ZFAT: variants seen among roughly 807,000 people sequenced by gnomAD.
ZFAT encodes the protein zinc finger protein ZFAT.
A neutral mutation model predicts 117.7 loss-of-function variants in ZFAT; 64 were observed. The ratio of observed to expected loss-of-function variants is 0.54; its 90% CI spans 0.44 to 0.67. The LOEUF (loss-of-function observed/expected upper bound fraction) is 0.67, where lower values mean the gene tolerates loss of function less well. Among genes scored for constraint, ZFAT ranks in the 30% least tolerant of loss-of-function variants. The probability of loss-of-function intolerance (pLI) is 0.00; values close to 1 mark genes in which losing one functional copy is unlikely to be tolerated. For synonymous variants in ZFAT, 679 were observed against 615.0 expected (o/e 1.10, Z -1.54); for missense variants, 1,433 against 1,584.5 (o/e 0.90, Z 1.62).
chr8:134,792,285 A>G, the ZFAT span: 6 of 152,248 alleles, frequency 3.9e-5, no homozygotes, highest in Non-Finnish European at 7.3e-5. Context: ...ACAATCCGTG[A>G]ACACCTAGAT....
chr8:134,685,645 C>A (rs1438477563), intron 1 of ZFAT, among the ~76,000 whole-genome samples: 1 of 152,178 alleles, frequency 6.6e-6, no homozygotes, highest in Non-Finnish European at 1.5e-5. Context: ...AACCAGGGAA[C>A]AGCAGACCAC....
chr8:134,524,235 G>A (rs1802206982), intron 12 of ZFAT, among the ~76,000 whole-genome samples: 1 of 152,114 alleles, frequency 6.6e-6, no homozygotes, highest in Non-Finnish European at 1.5e-5. Flanking sequence ...CTTGGTGCCG[G>A]TCTATCTTCC....
chr8:134,571,247 G>A (rs1008901191), intron 10 of ZFAT, among the ~76,000 whole-genome samples: 1 of 152,246 alleles, frequency 6.6e-6, no homozygotes, highest in African/African-American at 2.4e-5. Flanking sequence ...AGGGAGTGTG[G>A]AAGAGGTGTG....
intron 5 of ZFAT, among the ~76,000 whole-genome samples, chr8:134,604,682 A>G (rs561858319): frequency 1.3e-5 from 2 of 152,228 alleles, no homozygotes; most frequent in African/African-American, 2.4e-5. Context: ...TAGTTATAAA[A>G]CTATCCACAA....
chr8:134,691,838 G>A (rs1383785541), intron 1 of ZFAT, among the ~76,000 whole-genome samples: 2 of 152,178 alleles, frequency 1.3e-5, no homozygotes, highest in Non-Finnish European at 2.9e-5. Context: ...AAAGATCCAT[G>A]TTAAAGCTAT....
chr8:134,653,270 T>TTAAAAAAAAAAAAA (rs1554615159), intron 2 of ZFAT, among the ~76,000 whole-genome samples: 1 of 91,888 alleles, frequency 1.1e-5, no homozygotes, highest in Non-Finnish European at 2.1e-5. Flanking sequence ...ATGTCTTTTT[T>TTAAAAAAAAAAAAA]AAAAAAAAAA....
intron 10 of ZFAT, among the ~76,000 whole-genome samples, chr8:134,582,403 C>A (rs556359482): frequency 6.6e-6 from 1 of 152,344 alleles, no homozygotes; most frequent in African/African-American, 2.4e-5. Flanking sequence ...CTCTTCATTA[C>A]TGAAGGACTG....
At chr8:134,481,653 C>T (rs1817314122) in intron 15 of ZFAT, among the ~76,000 whole-genome samples, 1 of 152,156 alleles carries the variant, frequency 6.6e-6, no homozygotes, top group East Asian at 1.9e-4. Flanking sequence ...GCCTCCTGTC[C>T]CCTGGCAGCA....
the ZFAT span, chr8:134,766,396 G>A: frequency 9.2e-5 from 14 of 152,284 alleles, no homozygotes; most frequent in East Asian, 2.7e-3. Context: ...GTTTACAAAA[G>A]TAGAGAAAAC....
chr8:134,802,303 T>C, the ZFAT span, among the ~76,000 whole-genome samples: 2 of 152,148 alleles, frequency 1.3e-5, no homozygotes, highest in Admixed American at 1.3e-4. Context: ...ACAAAAATAT[T>C]ACCTGAGCAC....
At chr8:134,581,312 G>A (rs1198655143) in intron 10 of ZFAT, among the ~76,000 whole-genome samples, 6 of 152,058 alleles carry the variant, frequency 3.9e-5, no homozygotes, top group Non-Finnish European at 4.4e-5. Flanking sequence ...AAATAATGAA[G>A]TACAGCAGCC....
intron 7 of ZFAT, chr8:134,598,089 T>C (rs1478352159): frequency 2.0e-5 from 3 of 152,230 alleles, no homozygotes; most frequent in Non-Finnish European, 4.4e-5. Context: ...CCAAGAACCA[T>C]GTGGTTGCTG....
intron 8 of ZFAT, among the ~76,000 whole-genome samples, chr8:134,589,007 G>A (rs1353504750): frequency 1.3e-5 from 2 of 152,204 alleles, no homozygotes; most frequent in Non-Finnish European, 2.9e-5. Context: ...CCTAGAAGAA[G>A]AAAAGTGTGT....
At chr8:134,777,979 T>C in the ZFAT span, among the ~76,000 whole-genome samples, 1 of 152,164 alleles carries the variant, frequency 6.6e-6, no homozygotes, top group Non-Finnish European at 1.5e-5. Flanking sequence ...GCTATTTCAC[T>C]GTTTAAAAGA....
Position 134,601,911 on chromosome 8 carries a change from G to T in ZFAT, c.1808C>A (p.Thr603Asn). 1 of 1,614,090 alleles carries T rather than the reference G, an allele frequency of 6.2e-7. No homozygotes were observed. ...AGCAGCATGAGCCTCTGCGGAGGAG[G>T]TATCATTTTTCAACAAAAAATCATC... ...VSDDFLLKNDTSSAEAHAAPE... is the reference protein window; with the variant it reads ...VSDDFLLKNDNSSAEAHAAPE... Residue 603 changes from threonine (T) to asparagine (N), a missense_variant, in exon 6 of 16, where the codon ACC (threonine) becomes AAC (asparagine). This residue lies in a region of ZFAT where 372 missense variants were observed against 355.6 expected (regional missense o/e 1.05). Coordinates refer to ENST00000377838, the MANE Select transcript of ZFAT (RefSeq NM_020863.4).
At chr8:134,495,995 C>T (rs1284583998) in intron 15 of ZFAT, among the ~76,000 whole-genome samples, 2 of 152,102 alleles carry the variant, frequency 1.3e-5, no homozygotes, top group Middle Eastern at 3.2e-3. Context: ...AGAGCCTAGA[C>T]AACACCAGCA....
intron 2 of ZFAT, among the ~76,000 whole-genome samples, chr8:134,649,450 G>T (rs1831105797): frequency 6.6e-6 from 1 of 152,132 alleles, no homozygotes; most frequent in Non-Finnish European, 1.5e-5. Context: ...CAAGTTTTTA[G>T]AAGTTTTTTT....
At chr8:134,638,120 G>A (rs1402935400) in intron 2 of ZFAT, among the ~76,000 whole-genome samples, 12 of 152,144 alleles carry the variant, frequency 7.9e-5, no homozygotes, top group Non-Finnish European at 5.9e-5. Context: ...TGCTGAGCTT[G>A]TCATGCCCTT....
chr8:134,553,354 T>C (rs1299950366), intron 11 of ZFAT, among the ~76,000 whole-genome samples: 1 of 152,020 alleles, frequency 6.6e-6, no homozygotes, highest in Non-Finnish European at 1.5e-5. Flanking sequence ...AACACAAAAA[T>C]TAGCCGGGCG....
Sources: allele counts gnomAD v4.1 joint callset (sites outside exome capture counted in the v4.1 genomes callset), GRCh38; gene constraint gnomAD v4.1.1; regional missense constraint gnomAD v4.1.1; transcripts MANE v1.5; gene names NCBI Gene and HGNC (gene_info 2026-07-23, HGNC 2026-07-21).